Variants in NPEPL1 observed in about 807,000 individuals in gnomAD.
NPEPL1 encodes the protein aminopeptidase like 1, also known as probable aminopeptidase NPEPL1.
A neutral mutation model predicts 52.4 loss-of-function variants in NPEPL1; 45 were observed. The ratio of observed to expected loss-of-function variants is 0.86; its 90% confidence interval spans 0.68 to 1.10. The LOEUF (loss-of-function observed/expected upper bound fraction) is 1.10, where lower values mean the gene tolerates loss of function less well. NPEPL1 is among the 50% of genes least tolerant of loss of function. The probability of loss-of-function intolerance (pLI) is 0.00; values close to 1 mark genes in which losing one functional copy is unlikely to be tolerated. For synonymous variants in NPEPL1, 360 were observed against 314.7 expected (o/e 1.14, Z -1.52); for missense variants, 696 against 710.9 (o/e 0.98, Z 0.24).
chr20:58,703,910 A>G, intron 6 of NPEPL1: 1 of 985,340 alleles, frequency 1.0e-6, no homozygotes, highest in Non-Finnish European at 1.2e-6. Flanking sequence ...CCCGGGGTCC[A>G]CCTGGTCTGC....
At chr20:58,712,112 CGTGT>C (rs3040648) in intron 7 of NPEPL1, among the ~76,000 whole-genome samples, 15 of 84,444 alleles carry the variant, frequency 1.8e-4, no homozygotes, top group Non-Finnish European at 3.3e-4. Context: ...TGTGTGTGTA[CGTGT>C]GTGTGTGTGT....
chr20:58,712,045 CAGAA>C (rs2084856797), intron 7 of NPEPL1, among the ~76,000 whole-genome samples: 1 of 152,356 alleles, frequency 6.6e-6, no homozygotes, highest in Middle Eastern at 3.4e-3. Context: ...CTTTTGGCAT[CAGAA>C]AGCCATAACT....
At chr20:58,697,562 G>C (rs188074588) in intron 3 of NPEPL1, among the ~76,000 whole-genome samples, 3 of 152,238 alleles carry the variant, frequency 2.0e-5, no homozygotes, top group African/African-American at 7.2e-5. Flanking sequence ...GGCGCCTGCT[G>C]CCCTGACATT....
At chr20:58,691,288 T>G (rs1249757406), upstream of NPEPL1, 5 of 608,246 alleles carry the variant, frequency 8.2e-6, no homozygotes, top group African/African-American at 9.4e-5. Context: ...TTGAAGAAAA[T>G]AAGATCCAAT....
chr20:58,712,253 G>GCGCC (rs1193635728), intron 7 of NPEPL1, among the ~76,000 whole-genome samples: 1 of 152,178 alleles, frequency 6.6e-6, no homozygotes, highest in African/African-American at 2.4e-5. Flanking sequence ...CCACTGCGGC[G>GCGCC]GGTGGCCTCT....
chr20:58,709,523 C>A (rs2084795360), intron 7 of NPEPL1, among the ~76,000 whole-genome samples: 1 of 152,170 alleles, frequency 6.6e-6, no homozygotes, highest in South Asian at 2.1e-4. Context: ...GCCCACAGTG[C>A]TGGAACTGGA....
At chr20:58,690,577 C>T (rs1283595306), upstream of NPEPL1, among the ~76,000 whole-genome samples, 5 of 152,288 alleles carry the variant, frequency 3.3e-5, no homozygotes, top group Middle Eastern at 3.4e-3. Flanking sequence ...AATTCCTTAG[C>T]GTTCTGTTTA....
chr20:58,697,643 T>C (rs2084520368), intron 3 of NPEPL1, among the ~76,000 whole-genome samples: 1 of 152,238 alleles, frequency 6.6e-6, no homozygotes, highest in South Asian at 2.1e-4. Flanking sequence ...TGCTCTTCTC[T>C]TAATATTGTC....
At chr20:58,700,947 A>T (rs1319212585) in intron 5 of NPEPL1, 69 bp from the exon 6 acceptor site, 1 of 1,350,376 alleles carries the variant, frequency 7.4e-7, no homozygotes, top group African/African-American at 1.5e-5. Flanking sequence ...CAGAGTTTCC[A>T]GGGGCCTCTG....
At chr20:58,691,711 T>TA, upstream of NPEPL1, 2 of 700,742 alleles carry the variant, frequency 2.9e-6, no homozygotes, top group South Asian at 2.0e-5. Flanking sequence ...TTTTTTTTTT[T>TA]TTTCATTTTT....
chr20:58,702,636 C>T (rs905098224), intron 6 of NPEPL1, among the ~76,000 whole-genome samples: 1 of 152,230 alleles, frequency 6.6e-6, no homozygotes, highest in African/African-American at 2.4e-5. Context: ...AGCATCTACA[C>T]GTTTGACAAT....
chr20:58,697,419 C>T (rs2084516471), intron 3 of NPEPL1, among the ~76,000 whole-genome samples: 1 of 152,244 alleles, frequency 6.6e-6, no homozygotes, highest in South Asian at 2.1e-4. Context: ...ACAGAGAACC[C>T]GCTGACAGGC....
rs1321758067 is a variant in NPEPL1, at chr20:58,693,822, T to A, written c.236T>A (p.Leu79Gln). ...LYLNYATVAA[L>Q]PCRVSRHNSP... ...CTGAACTACGCCACCGTGGCTGCCCTGCCCTGCAGGGTGAGCCGGCACAAC... is the reference window on the plus strand; with the variant it reads ...CTGAACTACGCCACCGTGGCTGCCCAGCCCTGCAGGGTGAGCCGGCACAAC... Residue 79 changes from leucine to glutamine, a missense_variant, in exon 2 of 12, where the codon CTG (leucine) becomes CAG (glutamine). Coordinates refer to ENST00000356091, the MANE Select transcript of NPEPL1 (RefSeq NM_024663.4). The A allele has an allele frequency of 8.1e-6, 13 of 1,613,570 alleles. No homozygotes were observed. Among genetic ancestry groups the A allele is most frequent in the Non-Finnish European group, 1.1e-5 (13 of 1,179,816 alleles).
At position 58,703,631 on chromosome 20, in the gene NPEPL1, G is replaced by A. The variant is rs1184871395; in HGVS notation, c.822+2473G>A. 8.1e-6 allele frequency: 8 copies of A among 985,134 alleles called. No individual in the cohort carries two copies. In the Admixed American group the frequency reaches 3.1e-4, roughly 38 times the overall value. 61.0% of individuals were successfully genotyped at this position (985,134 alleles called of 1,614,324 possible). ...CCTGGGAATTCATTCGTTTGCTTGT[G>A]GCACTAACTCTAGTCACTTAGGGAA... is the stretch of plus-strand genomic sequence containing the variant. On this transcript the variant is annotated intron_variant, in intron 6 of 11. Transcript: ENST00000356091.
intron 6 of NPEPL1, among the ~76,000 whole-genome samples, chr20:58,701,799 C>T (rs895948474): frequency 3.3e-5 from 5 of 152,154 alleles, no homozygotes; most frequent in Admixed American, 6.5e-5. Flanking sequence ...AATCTGGGCA[C>T]GGCACAGAAG....
At chr20:58,702,972 A>G (rs1164398623) in intron 6 of NPEPL1, among the ~76,000 whole-genome samples, 2 of 152,218 alleles carry the variant, frequency 1.3e-5, no homozygotes, top group African/African-American at 2.4e-5. Context: ...AAGTGTTCAC[A>G]TGGAATGAGG....
At chr20:58,699,853 T>G (rs1170700571) in intron 5 of NPEPL1, among the ~76,000 whole-genome samples, 1 of 152,220 alleles carries the variant, frequency 6.6e-6, no homozygotes, top group Admixed American at 6.5e-5. Context: ...GTCTGTGTTA[T>G]GTGTGGCTAC....
intron 8 of NPEPL1, 127 bp downstream of exon 8, chr20:58,712,706 C>A: frequency 1.3e-6 from 1 of 745,688 alleles, no homozygotes; most frequent in Non-Finnish European, 2.4e-6. Flanking sequence ...GGGCAGCAGG[C>A]TCCTTGCTTC....
At chr20:58,705,220 C>T (rs529768501) in intron 6 of NPEPL1, among the ~76,000 whole-genome samples, 1 of 152,106 alleles carries the variant, frequency 6.6e-6, no homozygotes, top group South Asian at 2.1e-4. Context: ...CTGCCAGATA[C>T]CTAAATCCAA....
Sources: allele counts gnomAD v4.1 joint callset (sites outside exome capture counted in the v4.1 genomes callset), GRCh38; gene constraint gnomAD v4.1.1; transcripts MANE v1.5; gene names NCBI Gene and HGNC (gene_info 2026-07-23, HGNC 2026-07-21).